Variants in DIAPH2 observed in about 807,000 individuals in gnomAD.
The protein encoded by DIAPH2 is protein diaphanous homolog 2.
Under a neutral mutation model 92.7 loss-of-function variants are expected in DIAPH2, and 35 were observed. That is an observed-to-expected ratio of 0.38 (90% CI 0.29 to 0.50). DIAPH2 has a LOEUF of 0.50. Among genes scored for constraint, DIAPH2 ranks in the 20% least tolerant of loss-of-function variants. The pLI, the probability that DIAPH2 is intolerant of heterozygous loss-of-function variation, is 0.94. For synonymous variants in DIAPH2, 301 were observed against 280.4 expected (o/e 1.07, Z -0.73); for missense variants, 701 against 819.5 (o/e 0.86, Z 1.77).
intron 22 of DIAPH2, among the ~76,000 whole-genome samples, chrX:97,201,859 T>G (rs2067753581): frequency 9.1e-6 from 1 of 110,409 alleles, no homozygotes; most frequent in African/African-American, 3.3e-5. Context: ...CCAAGACAAA[T>G]AATCATCAGA....
chrX:97,311,338 C>T (rs1327921454), intron 23 of DIAPH2, among the ~76,000 whole-genome samples: 1 of 111,787 alleles, frequency 8.9e-6, no homozygotes, highest in East Asian at 2.8e-4. Context: ...TGCCAGCTAC[C>T]TAGACAGAGC....
chrX:96,773,558 G>C (rs1031407464), intron 4 of DIAPH2, among the ~76,000 whole-genome samples: 1 of 111,624 alleles, frequency 9.0e-6, no homozygotes, highest in African/African-American at 3.3e-5. Flanking sequence ...TGTCAAGAAT[G>C]GGGAGAGGGG....
chrX:96,729,565 AC>A (rs1223495534), intron 1 of DIAPH2, among the ~76,000 whole-genome samples: 12 of 112,129 alleles, frequency 1.1e-4, no homozygotes, highest in African/African-American at 3.9e-4. Context: ...ATTGAGCATA[AC>A]TTGTTATGAC....
intron 19 of DIAPH2, among the ~76,000 whole-genome samples, chrX:97,078,491 C>T (rs765880866): frequency 2.9e-4 from 32 of 111,120 alleles, no homozygotes; most frequent in Non-Finnish European, 4.2e-4. Context: ...ATTAACAGTA[C>T]CTCTAAGTTT....
At chrX:97,122,144 A>G (rs1262172789) in intron 21 of DIAPH2, among the ~76,000 whole-genome samples, 1 of 111,647 alleles carries the variant, frequency 9.0e-6, no homozygotes, top group Non-Finnish European at 1.9e-5. Flanking sequence ...TGGCACTTAC[A>G]GTATTCTGAA....
chrX:97,090,104 CA>C (rs1225566007), intron 19 of DIAPH2, among the ~76,000 whole-genome samples: 1 of 111,442 alleles, frequency 9.0e-6, no homozygotes, highest in African/African-American at 3.3e-5. Context: ...TGTCCCAGGC[CA>C]AATACACTTA....
At chrX:97,570,149 G>A (rs1257329094) in intron 26 of DIAPH2, among the ~76,000 whole-genome samples, 25 of 71,738 alleles carry the variant, frequency 3.5e-4, no homozygotes, top group Non-Finnish European at 5.8e-4. Context: ...TAGATAGATA[G>A]ATAGATAGAT....
intron 22 of DIAPH2, among the ~76,000 whole-genome samples, chrX:97,226,752 A>C (rs951805602): frequency 1.8e-5 from 2 of 112,211 alleles, no homozygotes; most frequent in Non-Finnish European, 3.8e-5. Context: ...CAAGGACTTT[A>C]ATCAGCAGAA....
intron 24 of DIAPH2, among the ~76,000 whole-genome samples, chrX:97,372,504 C>G (rs2069457427): frequency 8.9e-6 from 1 of 111,842 alleles, no homozygotes; most frequent in African/African-American, 3.2e-5. Flanking sequence ...CTTCAGTGAA[C>G]ACATACTTGA....
At chrX:96,783,626 C>T (rs1344079334) in intron 4 of DIAPH2, among the ~76,000 whole-genome samples, 1 of 112,241 alleles carries the variant, frequency 8.9e-6, no homozygotes, top group Non-Finnish European at 1.9e-5. Context: ...AAGGCATTGC[C>T]TCTGTGAGTT....
chrX:96,892,236 A>G (rs747216945), intron 5 of DIAPH2, among the ~76,000 whole-genome samples: 2 of 112,200 alleles, frequency 1.8e-5, no homozygotes, highest in East Asian at 5.5e-4. Flanking sequence ...GAAAGATGGA[A>G]TAATAAGGAT....
At chrX:97,331,616 A>G (rs867180204) in intron 23 of DIAPH2, among the ~76,000 whole-genome samples, 2 of 112,299 alleles carry the variant, frequency 1.8e-5, no homozygotes, top group Admixed American at 9.5e-5. Context: ...GCTATTACCT[A>G]TATTGAATAA....
At chrX:97,517,818 A>G (rs977974129) in intron 26 of DIAPH2, among the ~76,000 whole-genome samples, 3 of 112,293 alleles carry the variant, frequency 2.7e-5, no homozygotes, top group Admixed American at 9.4e-5. Context: ...ATTTTTCCAA[A>G]GTTGGACATA....
intron 26 of DIAPH2, among the ~76,000 whole-genome samples, chrX:97,579,415 T>C (rs1438449055): frequency 2.7e-5 from 3 of 111,058 alleles, no homozygotes; most frequent in Non-Finnish European, 5.7e-5. Context: ...CCAGCACCAT[T>C]TATTAAATAG....
At chrX:97,535,119 C>G (rs910422125) in intron 26 of DIAPH2, among the ~76,000 whole-genome samples, 1 of 111,504 alleles carries the variant, frequency 9.0e-6, no homozygotes, top group Admixed American at 9.5e-5. Context: ...GCTGAGATCC[C>G]GAAACAGAAA....
chrX:97,253,004 G>C (rs1174585040), intron 23 of DIAPH2, among the ~76,000 whole-genome samples: 1 of 111,290 alleles, frequency 9.0e-6, no homozygotes, highest in African/African-American at 3.3e-5. Context: ...AAACCACAAG[G>C]GGGGCCGGGT....
chrX:96,934,760 G>A (rs1446492409), intron 10 of DIAPH2, among the ~76,000 whole-genome samples: 1 of 111,187 alleles, frequency 9.0e-6, no homozygotes, highest in East Asian at 2.8e-4. Flanking sequence ...TTTAAAATAG[G>A]ATTTTTTTCT....
chrX:96,728,216 T>TC (rs2064033668), intron 1 of DIAPH2, among the ~76,000 whole-genome samples: 1 of 110,015 alleles, frequency 9.1e-6, no homozygotes, highest in Non-Finnish European at 1.9e-5. Flanking sequence ...TGGTTAGTTT[T>TC]TTTTTTTTGG....
chrX:97,366,269 C>G (rs900926249), intron 24 of DIAPH2, among the ~76,000 whole-genome samples: 3 of 111,812 alleles, frequency 2.7e-5, no homozygotes, highest in Admixed American at 9.5e-5. Flanking sequence ...CTGTCTCTCT[C>G]TGCCTCTCTC....
Sources: allele counts gnomAD v4.1 joint callset (sites outside exome capture counted in the v4.1 genomes callset), GRCh38; gene constraint gnomAD v4.1.1; transcripts MANE v1.5; gene names NCBI Gene and HGNC (gene_info 2026-07-23, HGNC 2026-07-21).